The following LRMDA variants were observed in gnomAD, a reference collection of about 807,000 sequenced individuals.
LRMDA encodes leucine rich melanocyte differentiation associated, also known as leucine-rich melanocyte differentiation-associated protein.
A neutral mutation model predicts 29.8 loss-of-function variants in LRMDA; 18 were observed. The ratio of observed to expected loss-of-function variants is 0.60; its 90% CI spans 0.42 to 0.90. The LOEUF is 0.90. Ranked by LOEUF, LRMDA falls within the 40% of genes least tolerant of loss-of-function variation. LRMDA has a pLI of 0.00. For missense variants in LRMDA, 273 were observed against 273.9 expected (o/e 1.00, Z 0.02); for synonymous variants, 125 against 109.4 (o/e 1.14, Z -0.89).
chr10:76,147,053 C>T (rs7068037), intron 5 of LRMDA, among the ~76,000 whole-genome samples: 2 of 152,094 alleles, frequency 1.3e-5, no homozygotes, highest in Non-Finnish European at 1.5e-5. Flanking sequence ...CTGAGAGATC[C>T]GCTGTTAGTC....
At chr10:75,561,391 C>G (rs996357939) in intron 2 of LRMDA, among the ~76,000 whole-genome samples, 4 of 150,478 alleles carry the variant, frequency 2.7e-5, no homozygotes, top group Non-Finnish European at 5.9e-5. Context: ...TCCCCTTTAT[C>G]ATTTTTTATT....
intron 5 of LRMDA, among the ~76,000 whole-genome samples, chr10:76,159,006 TAAAGA>T (rs1449752015): frequency 6.6e-6 from 1 of 152,150 alleles, no homozygotes; most frequent in African/African-American, 2.4e-5. Context: ...GAATAAAACT[TAAAGA>T]AAATCATATG....
At chr10:75,645,667 G>A (rs1030360706) in intron 2 of LRMDA, among the ~76,000 whole-genome samples, 8 of 152,086 alleles carry the variant, frequency 5.3e-5, no homozygotes, top group East Asian at 1.9e-4. Context: ...GGACGCAGGC[G>A]GGAAAGACCT....
chr10:76,509,685 C>T (rs1255336458), intron 6 of LRMDA, among the ~76,000 whole-genome samples: 1 of 152,226 alleles, frequency 6.6e-6, no homozygotes, highest in Non-Finnish European at 1.5e-5. Context: ...AAAGATCTGA[C>T]AGTAGAGATC....
intron 5 of LRMDA, among the ~76,000 whole-genome samples, chr10:76,265,485 C>G (rs1391020647): frequency 6.6e-6 from 1 of 152,196 alleles, no homozygotes; most frequent in African/African-American, 2.4e-5. Context: ...TGGGAGGACA[C>G]AGGGACCTGT....
chr10:76,087,593 A>T (rs1229395117), intron 5 of LRMDA, among the ~76,000 whole-genome samples: 1 of 152,098 alleles, frequency 6.6e-6, no homozygotes, highest in African/African-American at 2.4e-5. Flanking sequence ...AGAGATGGGA[A>T]TTTAGCCTGG....
intron 5 of LRMDA, among the ~76,000 whole-genome samples, chr10:76,230,092 C>T (rs1696295930): frequency 6.6e-6 from 1 of 151,960 alleles, no homozygotes; most frequent in African/African-American, 2.4e-5. Context: ...GGGTGGGTCT[C>T]TCCTGCCCTG....
intron 5 of LRMDA, among the ~76,000 whole-genome samples, chr10:76,193,876 A>G (rs1486393193): frequency 6.6e-6 from 1 of 152,206 alleles, no homozygotes; most frequent in Non-Finnish European, 1.5e-5. Flanking sequence ...TGGAGCTTTC[A>G]GGAGAAATGA....
intron 2 of LRMDA, among the ~76,000 whole-genome samples, chr10:76,012,676 C>T (rs1255699399): frequency 6.6e-6 from 1 of 152,164 alleles, no homozygotes; most frequent in African/African-American, 2.4e-5. Flanking sequence ...TGCATGCACA[C>T]ATATGCATGT....
intron 6 of LRMDA, chr10:76,470,363 A>G (rs917798857): frequency 2.0e-5 from 3 of 152,248 alleles, no homozygotes; most frequent in Non-Finnish European, 2.9e-5. Context: ...TAAGCATGGA[A>G]TTACCATATA....
At chr10:76,510,919 A>C (rs1843003866) in intron 6 of LRMDA, among the ~76,000 whole-genome samples, 1 of 152,156 alleles carries the variant, frequency 6.6e-6, no homozygotes, top group Admixed American at 6.5e-5. Flanking sequence ...ATAACTATTA[A>C]ACTTCATCTT....
chr10:76,241,040 T>C (rs1387223616), intron 5 of LRMDA, among the ~76,000 whole-genome samples: 1 of 151,878 alleles, frequency 6.6e-6, no homozygotes, highest in Non-Finnish European at 1.5e-5. Flanking sequence ...ATGTTATCAC[T>C]CATAAATGGG....
At chr10:75,814,484 G>A (rs1844022424) in intron 2 of LRMDA, among the ~76,000 whole-genome samples, 1 of 152,180 alleles carries the variant, frequency 6.6e-6, no homozygotes, top group South Asian at 2.1e-4. Context: ...AGCCTTATCA[G>A]CATGTTATTG....
chr10:75,657,275 G>C (rs1841688499), intron 2 of LRMDA, among the ~76,000 whole-genome samples: 1 of 152,236 alleles, frequency 6.6e-6, no homozygotes, highest in Non-Finnish European at 1.5e-5. Context: ...CCTGCTGTGA[G>C]AGTTCACAGG....
intron 6 of LRMDA, among the ~76,000 whole-genome samples, chr10:76,340,360 A>G (rs892938710): frequency 1.3e-5 from 2 of 151,912 alleles, no homozygotes; most frequent in Non-Finnish European, 2.9e-5. Context: ...TACTAAAAAT[A>G]CAAAAAATAG....
intron 2 of LRMDA, among the ~76,000 whole-genome samples, chr10:75,631,459 G>A (rs1027969231): frequency 1.3e-5 from 2 of 150,692 alleles, no homozygotes; most frequent in Non-Finnish European, 2.9e-5. Flanking sequence ...TTGGCCATAA[G>A]ATCAACTCCC....
intron 6 of LRMDA, among the ~76,000 whole-genome samples, chr10:76,511,830 A>G (rs927283998): frequency 2.1e-5 from 3 of 142,144 alleles, no homozygotes; most frequent in African/African-American, 7.6e-5. Context: ...TCCTATCAAA[A>G]TCTCAGCTGG....
intron 2 of LRMDA, among the ~76,000 whole-genome samples, chr10:75,750,721 C>T (rs541721075): frequency 1.2e-4 from 14 of 114,130 alleles, no homozygotes; most frequent in East Asian, 1.1e-3. Flanking sequence ...CCAGACGGGG[C>T]GGGGGGGCAG....
intron 2 of LRMDA, among the ~76,000 whole-genome samples, chr10:75,536,265 G>A (rs1462978945): frequency 4.0e-5 from 6 of 151,392 alleles, no homozygotes; most frequent in Admixed American, 3.9e-4. Context: ...TTGTACTCGG[G>A]GTCCATTCCA....
Sources: gnomAD v4.1 joint callset for allele counts (sites outside exome capture counted in the v4.1 genomes callset) on GRCh38, gnomAD v4.1.1 for gene constraint, MANE v1.5 for transcripts, NCBI Gene and HGNC (gene_info 2026-07-23, HGNC 2026-07-21) for gene names.